The following SSBP3 variants were observed in gnomAD, a reference collection of about 807,000 sequenced individuals.
SSBP3 encodes single stranded DNA binding protein 3.
SSBP3 carries 5 observed loss-of-function variants against 69.6 expected under a neutral mutation model. The ratio of observed to expected loss-of-function variants is 0.07; its 90% CI spans 0.04 to 0.15. SSBP3 has a LOEUF of 0.15. SSBP3 is among the 10% of genes least tolerant of loss of function. The probability of loss-of-function intolerance (pLI) is 1.00; values close to 1 mark genes in which losing one functional copy is unlikely to be tolerated. For synonymous variants in SSBP3, 196 were observed against 193.4 expected (o/e 1.01, Z -0.11); for missense variants, 312 against 534.0 (o/e 0.58, Z 4.10).
intron 4 of SSBP3, among the ~76,000 whole-genome samples, chr1:54,307,454 G>T (rs180855485): frequency 1.8e-4 from 27 of 152,312 alleles, no homozygotes; most frequent in African/African-American, 6.5e-4. Context: ...ACTATGCTGT[G>T]TTTAACACTT....
At chr1:54,274,206 T>C (rs769878168) in intron 5 of SSBP3, among the ~76,000 whole-genome samples, 4 of 152,146 alleles carry the variant, frequency 2.6e-5, no homozygotes, top group Non-Finnish European at 5.9e-5. Context: ...CAGGCAGTTA[T>C]CAAGAAGCTG....
intron 7 of SSBP3, among the ~76,000 whole-genome samples, chr1:54,253,343 T>TGTC (rs901579706): frequency 9.9e-5 from 15 of 151,650 alleles, no homozygotes; most frequent in African/African-American, 3.6e-4. Context: ...AGGCACGCGC[T>TGTC]GTCACACCCG....
At chr1:54,310,923 G>A (rs72665934) in intron 4 of SSBP3, among the ~76,000 whole-genome samples, 13,679 of 152,240 alleles carry the variant, frequency 0.09, 842 homozygotes, top group Non-Finnish European at 0.14. Flanking sequence ...ATGCTTTTGG[G>A]TCTGGGTCTC....
chr1:54,401,723 A>G (rs1649315993), intron 4 of SSBP3, 138 bp downstream of exon 4: 1 of 654,964 alleles, frequency 1.5e-6, no homozygotes, highest in African/African-American at 1.8e-5. Context: ...GGCTGCAGAG[A>G]GGTGGGCAGG....
intron 4 of SSBP3, 118 bp downstream of exon 4, chr1:54,401,743 A>C: frequency 1.3e-6 from 1 of 785,044 alleles, no homozygotes; most frequent in Non-Finnish European, 2.1e-6. Context: ...GGGAACAGAA[A>C]GAAACGCAAG....
At chr1:54,397,603 A>G (rs1412769464) in intron 4 of SSBP3, among the ~76,000 whole-genome samples, 1 of 152,146 alleles carries the variant, frequency 6.6e-6, no homozygotes, top group East Asian at 1.9e-4. Flanking sequence ...GGTGGAGCAC[A>G]CAACAGCCAA....
intron 4 of SSBP3, among the ~76,000 whole-genome samples, chr1:54,338,357 C>T (rs561529674): frequency 6.6e-6 from 1 of 152,366 alleles, no homozygotes; most frequent in South Asian, 2.1e-4. Flanking sequence ...TTCTACTTTA[C>T]TTTGCAAATA....
intron 4 of SSBP3, among the ~76,000 whole-genome samples, chr1:54,386,135 G>A (rs1182773593): frequency 6.6e-6 from 1 of 152,218 alleles, no homozygotes; most frequent in African/African-American, 2.4e-5. Flanking sequence ...TGCAGTTCTA[G>A]AGGCACAGAT....
chr1:54,312,942 G>C (rs1646029762), intron 4 of SSBP3, among the ~76,000 whole-genome samples: 2 of 152,150 alleles, frequency 1.3e-5, no homozygotes, highest in South Asian at 2.1e-4. Flanking sequence ...AGGCCAGGAG[G>C]GGGTGGGATG....
chr1:54,402,195 G>A (rs1028754751), intron 3 of SSBP3, among the ~76,000 whole-genome samples: 3 of 152,120 alleles, frequency 2.0e-5, no homozygotes, highest in African/African-American at 4.8e-5. Context: ...CTTCACACCC[G>A]TATTACTTGT....
chr1:54,401,630 T>G lies in SSBP3; in HGVS notation c.276+231A>C, dbSNP rs541630980. On this transcript the variant is annotated intron_variant, in intron 4 of 17. Coordinates refer to ENST00000610401, the Ensembl canonical transcript of SSBP3. ...CACCATTTAATTCTCCGGATAGATA[T>G]CTACACAATTTTGCACAATTACAAC... 2.6e-5 allele frequency among the ~76,000 whole-genome samples: 4 copies of G among 152,200 alleles called. No homozygotes were observed. In the East Asian group the frequency reaches 7.7e-4, roughly 29 times the overall value.
intron 4 of SSBP3, among the ~76,000 whole-genome samples, chr1:54,316,421 T>C (rs1156633589): frequency 1.4e-5 from 2 of 145,488 alleles, no homozygotes; most frequent in African/African-American, 2.6e-5. Context: ...GGGTGGATCA[T>C]GAGGTCAGGA....
upstream of SSBP3, among the ~76,000 whole-genome samples, chr1:54,410,987 G>A (rs546745600): frequency 9.8e-5 from 15 of 152,302 alleles, no homozygotes; most frequent in South Asian, 3.1e-3. Context: ...TAAGAAAGAA[G>A]TGGATTTAAA....
intron 4 of SSBP3, among the ~76,000 whole-genome samples, chr1:54,281,785 G>A (rs1400742590): frequency 6.6e-6 from 1 of 152,056 alleles, no homozygotes; most frequent in Non-Finnish European, 1.5e-5. Flanking sequence ...CGAATTCCGA[G>A]GCTCTTTTTC....
chr1:54,358,090 C>T (rs755183201), intron 4 of SSBP3, among the ~76,000 whole-genome samples: 2 of 152,190 alleles, frequency 1.3e-5, no homozygotes, highest in African/African-American at 4.8e-5. Flanking sequence ...AGAACATTTT[C>T]GAGCTAAAAA....
At chr1:54,314,932 T>C (rs919819499) in intron 4 of SSBP3, among the ~76,000 whole-genome samples, 1 of 152,054 alleles carries the variant, frequency 6.6e-6, no homozygotes, top group Non-Finnish European at 1.5e-5. Flanking sequence ...GGAAGGGAGC[T>C]GAAAATCCTA....
intron 4 of SSBP3, among the ~76,000 whole-genome samples, chr1:54,342,545 G>A (rs1646627514): frequency 6.6e-6 from 1 of 152,058 alleles, no homozygotes; most frequent in Admixed American, 6.5e-5. Flanking sequence ...CCCAGGCAAG[G>A]CCTCCCACAC....
At chr1:54,244,180 T>G (rs568162335) in intron 9 of SSBP3, among the ~76,000 whole-genome samples, 8 of 152,266 alleles carry the variant, frequency 5.3e-5, no homozygotes, top group Non-Finnish European at 1.0e-4. Context: ...CTCGGTTCAC[T>G]GCAACCTCCA....
chr1:54,280,105 C>T (rs1645363552), intron 5 of SSBP3, among the ~76,000 whole-genome samples: 1 of 152,220 alleles, frequency 6.6e-6, no homozygotes, highest in African/African-American at 2.4e-5. Flanking sequence ...CTCCTCCCAC[C>T]ACCATCATGT....
Sources: allele counts gnomAD v4.1 joint callset (sites outside exome capture counted in the v4.1 genomes callset), GRCh38; gene constraint gnomAD v4.1.1; transcripts MANE v1.5; gene names NCBI Gene and HGNC (gene_info 2026-07-23, HGNC 2026-07-21).